DENND1A: variants seen among roughly 807,000 people sequenced by gnomAD.
The protein encoded by DENND1A is DENN domain containing 1A, also known as DENN domain-containing protein 1A.
Under a neutral mutation model 113.7 loss-of-function variants are expected in DENND1A, and 51 were observed. The observed-to-expected ratio is 0.45, with a 90% CI of 0.36 to 0.57. The LOEUF (loss-of-function observed/expected upper bound fraction) is 0.57, where lower values mean the gene tolerates loss of function less well. Among genes scored for constraint, DENND1A ranks in the 20% least tolerant of loss-of-function variants. The pLI, the probability that DENND1A is intolerant of heterozygous loss-of-function variation, is 0.00. For synonymous variants in DENND1A, 565 were observed against 570.8 expected, an observed-to-expected ratio of 0.99 and a Z score of 0.14; for missense variants, 1,258 against 1,395.9, an observed-to-expected ratio of 0.90 and a Z score of 1.57.
chr9:123,662,598 G>C (rs1185593635), intron 8 of DENND1A, among the ~76,000 whole-genome samples: 1 of 152,118 alleles, frequency 6.6e-6, no homozygotes, highest in African/African-American at 2.4e-5. Flanking sequence ...GTCATGCTAG[G>C]TCTAAAAATG....
chr9:123,830,633 G>C lies in DENND1A; in HGVS notation c.89-38003C>G, dbSNP rs573026523. On this transcript the variant is annotated intron_variant, in intron 2 of 23. Transcript: ENST00000394215. ...TAATCCCAGCACTTTGGGAGGCCGA[G>C]GGGGGCGGACCACCTGAGGTCAGGG... Among the ~76,000 whole-genome samples the C allele has an allele frequency of 4.6e-5, 7 of 152,080 alleles. No individual in the cohort carries two copies. In the South Asian group the frequency reaches 1.5e-3, roughly 32 times the overall value.
At chr9:123,525,722 C>A in intron 13 of DENND1A, among the ~76,000 whole-genome samples, 1 of 149,410 alleles carries the variant, frequency 6.7e-6, no homozygotes, top group Admixed American at 6.7e-5. Flanking sequence ...CCAAAGAAAA[C>A]AATAAACTTA....
At chr9:123,608,183 C>A (rs1266477111) in intron 11 of DENND1A, among the ~76,000 whole-genome samples, 1 of 152,094 alleles carries the variant, frequency 6.6e-6, no homozygotes, top group Non-Finnish European at 1.5e-5. Flanking sequence ...GCCACATGGC[C>A]GGCCTGTCAA....
chr9:123,406,636 C>T (rs1429730871), intron 20 of DENND1A, among the ~76,000 whole-genome samples: 9 of 152,258 alleles, frequency 5.9e-5, no homozygotes, highest in Admixed American at 5.9e-4. Context: ...GCCTGCCACA[C>T]AGCTCACATT....
chr9:123,588,860 T>C (rs1340027455), intron 11 of DENND1A, among the ~76,000 whole-genome samples: 1 of 151,506 alleles, frequency 6.6e-6, no homozygotes, highest in Admixed American at 6.6e-5. Context: ...CTCTGCCTCC[T>C]GGGTTCAAGC....
At chr9:123,494,858 C>T (rs997568776) in intron 13 of DENND1A, among the ~76,000 whole-genome samples, 2 of 152,006 alleles carry the variant, frequency 1.3e-5, no homozygotes, top group Non-Finnish European at 2.9e-5. Context: ...GTGGTGCAAT[C>T]TCAGCTCACT....
Position 123,517,725 on chromosome 9 carries a change from C to T in DENND1A, c.993+39845G>A, listed in dbSNP as rs189728852. 1.8e-4 allele frequency among the ~76,000 whole-genome samples: 27 copies of T among 151,940 alleles called. 1 individual carries two copies. The highest frequency in any genetic ancestry group is 8.3e-4 in the South Asian group (4 of 4,802). On this transcript the variant is annotated intron_variant, in intron 13 of 23. Coordinates refer to ENST00000394215, the MANE Select transcript of DENND1A (RefSeq NM_001352964.2). ...GAGGCAAATTCAAGCAGAGGAATTGCGCAACCATTTACAACTGATTATTTA... is the reference window on the plus strand; with the variant it reads ...GAGGCAAATTCAAGCAGAGGAATTGTGCAACCATTTACAACTGATTATTTA...
At chr9:123,714,900 G>T (rs180683747) in intron 5 of DENND1A, among the ~76,000 whole-genome samples, 1 of 151,984 alleles carries the variant, frequency 6.6e-6, no homozygotes, top group Non-Finnish European at 1.5e-5. Flanking sequence ...TTTTGTTTAC[G>T]TCCAGGCACA....
At chr9:123,548,264 T>C (rs1370157408) in intron 13 of DENND1A, among the ~76,000 whole-genome samples, 2 of 152,170 alleles carry the variant, frequency 1.3e-5, no homozygotes, top group Non-Finnish European at 2.9e-5. Context: ...GGAAAAAATG[T>C]TAATTAGCAA....
At chr9:123,783,186 C>A (rs542298611) in intron 3 of DENND1A, among the ~76,000 whole-genome samples, 45 of 152,226 alleles carry the variant, frequency 3.0e-4, no homozygotes, top group African/African-American at 1.1e-3. Context: ...TATCTGAAAC[C>A]CCTTCATCAC....
chr9:123,612,997 T>G (rs898222810), intron 10 of DENND1A, among the ~76,000 whole-genome samples: 8 of 152,178 alleles, frequency 5.3e-5, no homozygotes, highest in Admixed American at 5.2e-4. Context: ...GCCCTGGTTC[T>G]GTAGCATACC....
chr9:123,676,869 C>G (rs759418436), intron 5 of DENND1A, 80 bp from the exon 6 acceptor site: 1 of 1,349,892 alleles, frequency 7.4e-7, no homozygotes, highest in Non-Finnish European at 1.1e-6. Context: ...AAGACTGATA[C>G]ATTTCAGTTT....
At chr9:123,787,378 T>C (rs935018690) in intron 3 of DENND1A, among the ~76,000 whole-genome samples, 1 of 152,190 alleles carries the variant, frequency 6.6e-6, no homozygotes, top group Non-Finnish European at 1.5e-5. Context: ...CTCTGGCTTA[T>C]CAAAATTTTG....
chr9:123,517,625 AC>A (rs2054049425), intron 13 of DENND1A, among the ~76,000 whole-genome samples: 1 of 152,168 alleles, frequency 6.6e-6, no homozygotes, highest in Admixed American at 6.5e-5. Flanking sequence ...TCTCAAAAAA[AC>A]AACAGCAAAA....
At position 123,676,721 on chromosome 9, in the gene DENND1A, T is replaced by C; in HGVS notation, c.371A>G (p.Gln124Arg). ...NILADYTTKR[Q>R]ENQWNELLET... ...GAATTATTTTAAAAAGGTAAATACC[T>C]GTCTTTTTGTCGTGTAATCTGCCAG... Residue 124 changes from glutamine (Q) to arginine (R), a missense_variant and splice_region_variant, in exon 6 of 24, where the codon CAG becomes CGG. Gln to Arg is a conservative substitution (Grantham distance 43). This residue lies in a region of DENND1A where 99 missense variants were observed against 164.2 expected (regional missense o/e 0.60). Coordinates refer to ENST00000394215, the MANE Select transcript of DENND1A (RefSeq NM_001352964.2). The C allele has an allele frequency of 6.2e-7, 1 of 1,613,574 alleles. No individual in the cohort carries two copies. The highest frequency in any genetic ancestry group is 8.5e-7 in the Non-Finnish European group (1 of 1,179,594).
chr9:123,402,174 C>T (rs1199938765), intron 21 of DENND1A, among the ~76,000 whole-genome samples: 2 of 152,208 alleles, frequency 1.3e-5, no homozygotes, highest in South Asian at 4.1e-4. Flanking sequence ...TTAAACTTAA[C>T]CCAGCTTCAG....
intron 13 of DENND1A, among the ~76,000 whole-genome samples, chr9:123,524,601 T>G (rs55799742): frequency 0.14 from 21,056 of 152,254 alleles, 1,631 homozygotes; most frequent in Non-Finnish European, 0.16. Flanking sequence ...CTGAATTTGC[T>G]GAATCTGGCC....
At chr9:123,698,205 A>C (rs1483550482) in intron 5 of DENND1A, among the ~76,000 whole-genome samples, 1 of 152,208 alleles carries the variant, frequency 6.6e-6, no homozygotes, top group Non-Finnish European at 1.5e-5. Flanking sequence ...CCAAAGAACA[A>C]ACCAAGGAGT....
At chr9:123,691,954 G>A (rs964324865) in intron 5 of DENND1A, among the ~76,000 whole-genome samples, 16 of 152,182 alleles carry the variant, frequency 1.1e-4, no homozygotes, top group Admixed American at 2.6e-4. Flanking sequence ...ACCTGAATTT[G>A]TTAGGCAGAG....
Sources: allele counts gnomAD v4.1 joint callset (sites outside exome capture counted in the v4.1 genomes callset), GRCh38; gene constraint gnomAD v4.1.1; regional missense constraint gnomAD v4.1.1; transcripts MANE v1.5; gene names NCBI Gene and HGNC (gene_info 2026-07-23, HGNC 2026-07-21).